Variants in LRBA observed in about 807,000 individuals in gnomAD.
LRBA encodes the protein LPS responsive beige-like anchor protein.
Under a neutral mutation model 330.0 loss-of-function variants are expected in LRBA, and 176 were observed. The ratio of observed to expected loss-of-function variants is 0.53; its 90% confidence interval spans 0.47 to 0.60. The LOEUF (loss-of-function observed/expected upper bound fraction) is 0.60. Among genes scored for constraint, LRBA ranks in the 20% least tolerant of loss-of-function variants. The probability of loss-of-function intolerance (pLI) is 0.00; values close to 1 mark genes in which losing one functional copy is unlikely to be tolerated. For synonymous variants in LRBA, 1,230 were observed against 1,193.0 expected (o/e 1.03, Z -0.64); for missense variants, 3,259 against 3,444.8 (o/e 0.95, Z 1.35).
At chr4:150,900,245 G>C in intron 13 of LRBA, 28 bp from the exon 14 acceptor site, 1 of 1,553,766 alleles carries the variant, frequency 6.4e-7, no homozygotes, top group African/African-American at 1.4e-5. Flanking sequence ...AGAACTTAGA[G>C]AACCCCACCA....
intron 9 of LRBA, among the ~76,000 whole-genome samples, chr4:150,912,197 A>T (rs1072963): frequency 0.013 from 1,933 of 152,266 alleles, 47 homozygotes; most frequent in African/African-American, 0.044. Context: ...AGGGGTCCCT[A>T]ACCAGGTATA....
rs1384014823 is a variant in LRBA, at chr4:150,516,215, C to CTTTTTTTTTTTTTTTTTTTTTTTTTTTT, written c.6331-25181_6331-25180insAAAAAAAAAAAAAAAAAAAAAAAAAAAA. Among the ~76,000 whole-genome samples the CTTTTTTTTTTTTTTTTTTTTTTTTTTTT allele has an allele frequency of 3.5e-5, 3 of 86,712 alleles. 1 individual carries two copies. Among genetic ancestry groups the CTTTTTTTTTTTTTTTTTTTTTTTTTTTT allele is most frequent in the African/African-American group, 4.6e-5 (1 of 21,806 alleles). The allele number at this position is 86,712 out of a possible 152,430, so 56.9% of individuals were successfully genotyped here. ...GTAATTCAGTCTGACATTTTCTATT[C>CTTTTTTTTTTTTTTTTTTTTTTTTTTTT]TCTTTTTTTTTTTTTTTTTTTTTTT... On this transcript the variant is annotated intron_variant, in intron 40 of 56. Coordinates refer to ENST00000651943, the MANE Select transcript of LRBA (RefSeq NM_001364905.1).
At chr4:150,777,632 A>T (rs576585909) in intron 34 of LRBA, among the ~76,000 whole-genome samples, 17 of 152,096 alleles carry the variant, frequency 1.1e-4, no homozygotes, top group African/African-American at 4.1e-4. Flanking sequence ...TGAGGAAGGG[A>T]ATGTATTAAC....
intron 2 of LRBA, among the ~76,000 whole-genome samples, chr4:150,954,294 A>G (rs1162741518): frequency 3.3e-5 from 5 of 152,266 alleles, no homozygotes; most frequent in African/African-American, 1.2e-4. Flanking sequence ...AGAACGGGCC[A>G]TGATGACGAT....
chr4:150,476,485 G>C (rs1426766144), intron 42 of LRBA, among the ~76,000 whole-genome samples: 4 of 152,004 alleles, frequency 2.6e-5, no homozygotes, highest in Non-Finnish European at 5.9e-5. Flanking sequence ...GGAGGAAGTG[G>C]TGCAGACCAA....
At chr4:150,706,466 T>C (rs918958895) in intron 36 of LRBA, among the ~76,000 whole-genome samples, 1 of 151,720 alleles carries the variant, frequency 6.6e-6, no homozygotes, top group Non-Finnish European at 1.5e-5. Context: ...ATTAAATATT[T>C]AAATTTAAAG....
intron 16 of LRBA, among the ~76,000 whole-genome samples, chr4:150,894,980 ATT>A (rs1162333679): frequency 6.6e-6 from 1 of 152,174 alleles, no homozygotes; most frequent in Non-Finnish European, 1.5e-5. Flanking sequence ...AATTTAAGCC[ATT>A]CTTTTATACC....
chr4:150,603,085 G>C (rs942575728), intron 37 of LRBA, among the ~76,000 whole-genome samples: 5 of 152,074 alleles, frequency 3.3e-5, no homozygotes, highest in Non-Finnish European at 7.4e-5. Flanking sequence ...AAGTAAAGAG[G>C]TTAGCCTAAG....
At chr4:150,926,466 G>A (rs1240801643) in intron 4 of LRBA, among the ~76,000 whole-genome samples, 1 of 152,164 alleles carries the variant, frequency 6.6e-6, no homozygotes, top group Non-Finnish European at 1.5e-5. Context: ...GGATAAAGTT[G>A]ATCCACAAAT....
At chr4:150,304,119 G>A (rs924803010) in intron 52 of LRBA, among the ~76,000 whole-genome samples, 9 of 151,786 alleles carry the variant, frequency 5.9e-5, no homozygotes, top group South Asian at 2.1e-4. Flanking sequence ...ATATAATTCC[G>A]ATGTTCAAGA....
intron 38 of LRBA, among the ~76,000 whole-genome samples, chr4:150,592,796 T>A (rs977195824): frequency 1.3e-5 from 2 of 152,108 alleles, no homozygotes; most frequent in Non-Finnish European, 2.9e-5. Flanking sequence ...CCCAGCTAAT[T>A]TTTTAATTTA....
chr4:150,742,454 AT>A (rs1447017157), intron 35 of LRBA, among the ~76,000 whole-genome samples: 1 of 151,968 alleles, frequency 6.6e-6, no homozygotes, highest in Admixed American at 6.6e-5. Flanking sequence ...TGCAAGGATT[AT>A]TTTTTTAAAT....
At chr4:150,700,830 T>C (rs979806160) in intron 36 of LRBA, among the ~76,000 whole-genome samples, 2 of 151,698 alleles carry the variant, frequency 1.3e-5, no homozygotes, top group African/African-American at 4.8e-5. Context: ...CGATCACAGC[T>C]AACTACAGCC....
At chr4:150,506,094 C>G (rs1340491665) in intron 40 of LRBA, among the ~76,000 whole-genome samples, 1 of 152,042 alleles carries the variant, frequency 6.6e-6, no homozygotes, top group African/African-American at 2.4e-5. Context: ...AATAGCTTAC[C>G]AACCAAAAAA....
At chr4:150,847,932 T>C (rs957005009) in intron 26 of LRBA, among the ~76,000 whole-genome samples, 19 of 152,336 alleles carry the variant, frequency 1.2e-4, no homozygotes, top group African/African-American at 4.6e-4. Context: ...TAGAACGTTG[T>C]TATTCCAGTG....
At chr4:150,885,918 T>C (rs1468909080) in intron 17 of LRBA, among the ~76,000 whole-genome samples, 7 of 152,066 alleles carry the variant, frequency 4.6e-5, no homozygotes, top group South Asian at 2.1e-4. Flanking sequence ...AGAAAATTCA[T>C]TGCTAGCAAA....
At chr4:150,771,864 A>G (rs1282788727) in intron 34 of LRBA, among the ~76,000 whole-genome samples, 2 of 152,162 alleles carry the variant, frequency 1.3e-5, no homozygotes, top group Non-Finnish European at 2.9e-5. Context: ...GAGGCTGACT[A>G]GTATCCACAG....
At chr4:150,912,384 G>C (rs1199694297) in intron 9 of LRBA, among the ~76,000 whole-genome samples, 1 of 152,186 alleles carries the variant, frequency 6.6e-6, no homozygotes, top group Non-Finnish European at 1.5e-5. Context: ...GATCTAGATT[G>C]TGTGCTCCTT....
intron 40 of LRBA, among the ~76,000 whole-genome samples, chr4:150,534,455 T>C (rs1764420171): frequency 6.6e-6 from 1 of 151,574 alleles, no homozygotes; most frequent in Non-Finnish European, 1.5e-5. Context: ...TTGCATGATT[T>C]ACACGTTTTG....
Sources: allele counts gnomAD v4.1 joint callset (sites outside exome capture counted in the v4.1 genomes callset), GRCh38; gene constraint gnomAD v4.1.1; transcripts MANE v1.5; gene names NCBI Gene and HGNC (gene_info 2026-07-23, HGNC 2026-07-21).